Variants in SP140 observed in about 807,000 individuals in gnomAD.
SP140 encodes SP140 nuclear body protein, also known as nuclear body protein SP140.
In SP140, 81 loss-of-function variants were observed where a neutral mutation model predicts 125.0. The observed-to-expected ratio is 0.65, with a 90% CI of 0.54 to 0.78. The LOEUF (loss-of-function observed/expected upper bound fraction) is 0.78, where lower values mean the gene tolerates loss of function less well. Among genes scored for constraint, SP140 ranks in the 30% least tolerant of loss-of-function variants. SP140 has a pLI of 0.00. For missense variants in SP140, 858 were observed against 1,037.0 expected (o/e 0.83, Z 2.37); for synonymous variants, 312 against 354.0 (o/e 0.88, Z 1.33).
chr2:230,202,304 T>A (rs1011521837), upstream of SP140, among the ~76,000 whole-genome samples: 1 of 152,254 alleles, frequency 6.6e-6, no homozygotes, highest in Non-Finnish European at 1.5e-5. Flanking sequence ...TCCTCAATAA[T>A]TTTTGAGAGC....
At chr2:230,274,423 C>T (rs1265369708) in intron 15 of SP140, among the ~76,000 whole-genome samples, 1 of 152,106 alleles carries the variant, frequency 6.6e-6, no homozygotes, top group Non-Finnish European at 1.5e-5. Flanking sequence ...GAAGAATGGT[C>T]AGAGAGAATA....
At chr2:230,266,926 C>T (rs1251250126) in intron 12 of SP140, among the ~76,000 whole-genome samples, 1 of 152,180 alleles carries the variant, frequency 6.6e-6, no homozygotes, top group Non-Finnish European at 1.5e-5. Flanking sequence ...CTATTAGTCT[C>T]TCTTAAGGAC....
Position 230,309,984 on chromosome 2 carries a change from A to G in SP140, c.2119A>G (p.Thr707Ala). 1 of 1,614,164 alleles carries G rather than the reference A, an allele frequency of 6.2e-7. No individual in the cohort carries two copies. Among genetic ancestry groups the G allele is most frequent in the Non-Finnish European group, 8.5e-7 (1 of 1,180,024 alleles). ...CGGAGGGGAGCTGTTCTGTTGCGACACTTGTTCAAGAGTCTTCCATGAGGA... is the reference window on the plus strand; with the variant it reads ...CGGAGGGGAGCTGTTCTGTTGCGACGCTTGTTCAAGAGTCTTCCATGAGGA... The part of the protein sequence containing the change: ...RDGGELFCCD[T>A]CSRVFHEDCH... The change falls in exon 23 of 27, where the codon ACT becomes GCT. Residue 707 changes from threonine to alanine, a missense_variant. Coordinates refer to ENST00000392045, the MANE Select transcript of SP140 (RefSeq NM_007237.5).
upstream of SP140, chr2:230,202,901 A>T (rs1387871153): frequency 1.5e-6 from 1 of 662,164 alleles, no homozygotes; most frequent in Non-Finnish European, 2.7e-6. Context: ...CCTTCTTCTT[A>T]TGTGTACCTT....
intron 22 of SP140, among the ~76,000 whole-genome samples, chr2:230,307,994 C>T (rs3086612): frequency 0.088 from 5,591 of 63,452 alleles, 189 homozygotes; most frequent in Non-Finnish European, 0.14. Flanking sequence ...TATATATACA[C>T]ACACACACAC....
intron 3 of SP140, chr2:230,216,757 A>T (rs1373544967): frequency 6.2e-7 from 1 of 1,613,238 alleles, no homozygotes; most frequent in South Asian, 1.1e-5. Context: ...CTGGGCTGCC[A>T]TGGAAGGGTT....
At chr2:230,201,964 G>A (rs1225293355), upstream of SP140, among the ~76,000 whole-genome samples, 2 of 152,242 alleles carry the variant, frequency 1.3e-5, no homozygotes, top group East Asian at 3.9e-4. Flanking sequence ...AGATATCTGT[G>A]TAAGGCCAGA....
upstream of SP140, among the ~76,000 whole-genome samples, chr2:230,220,762 A>G (rs1408729513): frequency 6.6e-6 from 1 of 152,122 alleles, no homozygotes; most frequent in Non-Finnish European, 1.5e-5. Context: ...CCAGGACTTT[A>G]GGAGGCCAAG....
At chr2:230,240,727 C>T (rs1051550254) in intron 3 of SP140, among the ~76,000 whole-genome samples, 1 of 152,160 alleles carries the variant, frequency 6.6e-6, no homozygotes, top group African/African-American at 2.4e-5. Flanking sequence ...AAAATGATAA[C>T]GACCACTTTG....
At chr2:230,215,206 C>T (rs1334323148) in intron 3 of SP140, 1 of 1,020,640 alleles carries the variant, frequency 9.8e-7, no homozygotes, top group Non-Finnish European at 1.5e-6. Flanking sequence ...TTTAAGAAAG[C>T]TACCTTACTC....
At chr2:230,279,543 G>C (rs904199742) in intron 15 of SP140, among the ~76,000 whole-genome samples, 2 of 152,060 alleles carry the variant, frequency 1.3e-5, no homozygotes, top group Non-Finnish European at 2.9e-5. Context: ...CTTTGATAAG[G>C]ACAACAATTA....
intron 22 of SP140, among the ~76,000 whole-genome samples, chr2:230,298,072 A>G (rs1392546272): frequency 2.0e-5 from 3 of 152,196 alleles, no homozygotes; most frequent in South Asian, 2.1e-4. Context: ...GACTGAAACC[A>G]TCACGACCTA....
At chr2:230,314,846 A>G (rs1238753768), downstream of SP140, among the ~76,000 whole-genome samples, 3 of 152,384 alleles carry the variant, frequency 2.0e-5, no homozygotes, top group African/African-American at 7.2e-5. Flanking sequence ...GCCCCCTGCA[A>G]GCTGGAATAA....
intron 22 of SP140, among the ~76,000 whole-genome samples, chr2:230,307,963 A>G (rs1252944385): frequency 7.4e-5 from 5 of 67,788 alleles, no homozygotes; most frequent in Non-Finnish European, 1.2e-4. Context: ...ATGTATATAT[A>G]TATATATATA....
At position 230,243,658 on chromosome 2, in the gene SP140, T is replaced by C. The variant is rs192941621; in HGVS notation, c.491-73T>C. ...TATCAGGTTTTCTTAGTTTTCTCATTATTTGTTTTCTTGTTTTGATGGCTT... is the reference window on the plus strand; with the variant it reads ...TATCAGGTTTTCTTAGTTTTCTCATCATTTGTTTTCTTGTTTTGATGGCTT... On this transcript the variant is annotated intron_variant, in intron 4 of 26. Transcript: ENST00000392045. 4.9e-6 allele frequency: 6 copies of C among 1,222,036 alleles called. No individual in the cohort carries two copies. In the East Asian group the frequency reaches 1.4e-4, roughly 29 times the overall value. The allele number at this position is 1,222,036 out of a possible 1,614,324, so 75.7% of individuals were successfully genotyped here. A position where few individuals can be genotyped will look rare whatever the true frequency, so the allele number is the denominator to read the frequency against.
rs544104076 is a variant in SP140, at chr2:230,289,767, G to A, written c.1721-693G>A. Among the ~76,000 whole-genome samples, 6 of 152,216 alleles carry A rather than the reference G, an allele frequency of 3.9e-5. No individual in the cohort carries two copies. The East Asian group carries it at 7.7e-4, about 20-fold the overall frequency. On this transcript the variant is annotated intron_variant, in intron 18 of 26. Coordinates refer to ENST00000392045, the MANE Select transcript of SP140 (RefSeq NM_007237.5). ...TGAGATTACAGGTGTGAGCCACCAC[G>A]CCTGGCCCTACACCTTTGGTTGGAA...
chr2:230,187,650 T>C, the SP140 span, among the ~76,000 whole-genome samples: 12 of 152,178 alleles, frequency 7.9e-5, no homozygotes, highest in African/African-American at 2.7e-4. Context: ...TTTTGATCCA[T>C]CTTGAGTTAA....
At chr2:230,217,066 T>C in intron 3 of SP140, 3 of 651,014 alleles carry the variant, frequency 4.6e-6, no homozygotes, top group Non-Finnish European at 8.1e-6. Flanking sequence ...GCCAACATGG[T>C]GAAACTCTGT....
At chr2:230,295,081 T>C (rs1451152721) in intron 21 of SP140, among the ~76,000 whole-genome samples, 1 of 152,228 alleles carries the variant, frequency 6.6e-6, no homozygotes, top group African/African-American at 2.4e-5. Context: ...TTCCCTCTCT[T>C]GAAGAATGCA....
Sources: gnomAD v4.1 joint callset for allele counts (sites outside exome capture counted in the v4.1 genomes callset) on GRCh38, gnomAD v4.1.1 for gene constraint, MANE v1.5 for transcripts, NCBI Gene and HGNC (gene_info 2026-07-23, HGNC 2026-07-21) for gene names.